Variants in ZNF433 observed in about 807,000 individuals in gnomAD.
ZNF433 encodes the protein zinc finger protein 433.
In ZNF433, 12 loss-of-function variants were observed where a neutral mutation model predicts 10.6. That is an observed-to-expected ratio of 1.13 (90% confidence interval 0.72 to 1.83). ZNF433 has a LOEUF of 1.83. Ranked by LOEUF, ZNF433 falls within the 40% of genes most tolerant of loss-of-function variation. The pLI is 0.00. For missense variants in ZNF433, 737 were observed against 798.0 expected, an observed-to-expected ratio of 0.92 and a Z score of 0.92; for synonymous variants, 272 against 271.3, an observed-to-expected ratio of 1.00 and a Z score of -0.02.
chr19:12,029,172 CATTAAA>C (rs1974881320), intron 1 of ZNF433, among the ~76,000 whole-genome samples: 1 of 151,836 alleles, frequency 6.6e-6, no homozygotes, highest in African/African-American at 2.4e-5. Flanking sequence ...TTTGTTTTTT[CATTAAA>C]ATTAAGAAAA....
Position 12,015,051 on chromosome 19 carries a change from G to T in ZNF433, c.1807C>A (p.Gln603Lys), listed in dbSNP as rs747192991. 6.2e-7 allele frequency: 1 copy of T among 1,614,068 alleles called. No homozygotes were observed. The highest frequency in any genetic ancestry group is 8.5e-7 in the Non-Finnish European group (1 of 1,179,976). Residue 603 changes from glutamine to lysine, a missense_variant, in exon 4 of 4, where the codon CAA (glutamine) becomes AAA (lysine). By Grantham distance (53) the Gln-to-Lys change is moderately conservative. Transcript: ENST00000550507. ...GKSFGCASRL[Q>K]MHGRTHTGEK... The stretch of plus-strand genomic sequence containing the variant: ...CCAGTGTGAGTCCTTCCATGCATTT[G>T]AAGTCGCGAGGCACATCCAAAAGAC...
chr19:12,025,600 C>G (rs918209587), intron 1 of ZNF433: 2 of 152,204 alleles, frequency 1.3e-5, no homozygotes, highest in Non-Finnish European at 1.5e-5. Flanking sequence ...GGAGTTAATC[C>G]TCAAGGATTG....
chr19:12,035,295 C>A (rs1239842022), intron 1 of ZNF433, among the ~76,000 whole-genome samples: 1 of 152,194 alleles, frequency 6.6e-6, no homozygotes, highest in Non-Finnish European at 1.5e-5. Flanking sequence ...CGGAGCTGCC[C>A]AGAGAGGGCT....
At chr19:12,021,184 T>C (rs927282219) in intron 1 of ZNF433, among the ~76,000 whole-genome samples, 1 of 151,950 alleles carries the variant, frequency 6.6e-6, no homozygotes, top group Admixed American at 6.6e-5. Flanking sequence ...GGTTTCACCA[T>C]GTTGGCCAAG....
In ZNF433 at chr19:12,014,761, A is replaced by C; in HGVS notation, c.*84T>G. Reference sequence around the variant, plus strand: ...TTTATTTATTTATTTAATTTTTATAACAGAGTCTCACTATGTTGCCCAGGC... The same window carrying C: ...TTTATTTATTTATTTAATTTTTATACCAGAGTCTCACTATGTTGCCCAGGC... On this transcript the variant is annotated 3_prime_UTR_variant, in exon 4 of 4. Coordinates refer to ENST00000550507, the MANE Select transcript of ZNF433 (RefSeq NM_001308348.2). The C allele has an allele frequency of 3.1e-6, 3 of 976,978 alleles. No individual in the cohort carries two copies. The South Asian group carries it at 6.3e-5, about 20-fold the overall frequency. The allele number at this position is 976,978 out of a possible 1,614,324, so 60.5% of individuals were successfully genotyped here. A position where few individuals can be genotyped will look rare whatever the true frequency, so the allele number is the denominator to read the frequency against.
chr19:12,031,114 G>A (rs529578783), intron 1 of ZNF433, among the ~76,000 whole-genome samples: 2 of 152,072 alleles, frequency 1.3e-5, no homozygotes, highest in African/African-American at 2.4e-5. Flanking sequence ...TGGCCAACAC[G>A]GTGAAACCCC....
intron 1 of ZNF433, chr19:12,030,101 AAAAAAT>A (rs1462459725): frequency 2.1e-5 from 8 of 372,522 alleles, no homozygotes; most frequent in African/African-American, 1.6e-4. Context: ...AAAAAAAAAA[AAAAAAT>A]AGCCATCTGC....
chr19:12,015,406 G>C lies in ZNF433; in HGVS notation c.1452C>G (p.Phe484Leu). ...PYECKGYGKT[F>L]SLPSLFHRHE... ...GTCTATGAAATAAACTGGGCAAACTGAATGTTTTCCCATAACCCTTACATT... is the reference window on the plus strand; with the variant it reads ...GTCTATGAAATAAACTGGGCAAACTCAATGTTTTCCCATAACCCTTACATT... The change falls in exon 4 of 4, where the codon TTC becomes TTG. Residue 484 changes from phenylalanine to leucine, a missense_variant. Transcript: ENST00000550507. 6.2e-7 allele frequency: 1 copy of C among 1,614,020 alleles called. No homozygotes were observed. Among genetic ancestry groups the C allele is most frequent in the Non-Finnish European group, 8.5e-7 (1 of 1,179,950 alleles).
chr19:12,014,816 C>G lies in ZNF433; in HGVS notation c.*29G>C. On this transcript the variant is annotated 3_prime_UTR_variant, in exon 4 of 4. Coordinates refer to ENST00000550507, the MANE Select transcript of ZNF433 (RefSeq NM_001308348.2). Reference sequence around the variant, plus strand: ...CTTGAACTCCTGGGCTTAAGCAGTCCCCCCACCTCAGCCTCCTAAAGCCTG... The same window carrying G: ...CTTGAACTCCTGGGCTTAAGCAGTCGCCCCACCTCAGCCTCCTAAAGCCTG... 1 of 1,491,146 alleles carries G rather than the reference C, an allele frequency of 6.7e-7. No homozygotes were observed. 92.4% of individuals were successfully genotyped at this position (1,491,146 alleles called of 1,614,324 possible). A position where few individuals can be genotyped will look rare whatever the true frequency, so the allele number is the denominator to read the frequency against.
rs774278944 is a variant in ZNF433 at position 12,015,229 on chromosome 19, G to A, written c.1629C>T (p.Ala543=). 1.7e-5 allele frequency: 27 copies of A among 1,613,372 alleles called. No individual in the cohort carries two copies. In the Middle Eastern group the frequency reaches 5.0e-4, roughly 30 times the overall value. Residue 543 remains alanine (A), a synonymous_variant, in exon 4 of 4, where the codon GCC becomes GCT. Coordinates refer to ENST00000550507, the MANE Select transcript of ZNF433 (RefSeq NM_001308348.2). ...CKQCGKAFRS[A]SQLQIHGRTH... is the part of the protein sequence containing the mutation. ...TCCTTCCATGAATTTGAAGCTGTGA[G>A]GCAGATCTGAAGGCTTTTCCACATT...
intron 1 of ZNF433, chr19:12,022,320 A>C (rs759280764): frequency 7.9e-6 from 2 of 254,392 alleles, no homozygotes; most frequent in Non-Finnish European, 1.7e-5. Context: ...TTTAATCTAT[A>C]ATCTACAGAA....
chr19:12,021,045 A>G (rs1859664097), intron 1 of ZNF433, among the ~76,000 whole-genome samples: 1 of 150,772 alleles, frequency 6.6e-6, no homozygotes, highest in South Asian at 2.1e-4. Context: ...CAGTAGCACA[A>G]TCTCAGCTCA....
Position 12,015,676 on chromosome 19 carries a change from G to T in ZNF433, c.1182C>A (p.Asn394Lys). The T allele has an allele frequency of 6.2e-7, 1 of 1,609,360 alleles. No individual in the cohort carries two copies. The highest frequency in any genetic ancestry group is 2.2e-5 in the East Asian group (1 of 44,510). ...THTGEKPYKC[N>K]QCGKAFNSSS... ...AAGAATTAAAGGCTTTACCACATTGGTTGCATTTATAGGGTTTCTCTCCAG... is the reference window on the plus strand; with the variant it reads ...AAGAATTAAAGGCTTTACCACATTGTTTGCATTTATAGGGTTTCTCTCCAG... The change falls in exon 4 of 4, where the codon AAC (asparagine) becomes AAA (lysine). Residue 394 changes from asparagine to lysine, a missense_variant. By Grantham distance (94) the Asn-to-Lys change is moderately conservative (BLOSUM62 0). Transcript: ENST00000550507.
intron 3 of ZNF433, 83 bp downstream of exon 3, chr19:12,017,793 G>A (rs1599352879): frequency 1.1e-6 from 1 of 883,480 alleles, no homozygotes; most frequent in Non-Finnish European, 1.7e-6. Context: ...TATTTCTTTT[G>A]TTTCCTTTTT....
rs1442546918 is a variant in ZNF433 at position 12,016,037 on chromosome 19, G to C, written c.821C>G (p.Thr274Ser). 4 of 1,614,134 alleles carry C rather than the reference G, an allele frequency of 2.5e-6. No individual in the cohort carries two copies. Among genetic ancestry groups the C allele is most frequent in the African/African-American group, 1.3e-5 (1 of 75,046 alleles). The part of the protein sequence containing the change: ...TCLHAHKRTH[T>S]GEKPYECKQC... ...TTTACATTCATATGGCTTCTCCCCA[G>C]TGTGAGTTCTTTTATGAGCATGAAG... is the stretch of plus-strand genomic sequence containing the variant. Residue 274 changes from threonine to serine, a missense_variant, in exon 4 of 4, where the codon ACT (threonine) becomes AGT (serine). By Grantham distance (58) the Thr-to-Ser change is moderately conservative. Transcript: ENST00000550507.
intron 1 of ZNF433, chr19:12,034,701 C>T (rs1975193042): frequency 2.4e-6 from 1 of 419,068 alleles, no homozygotes; most frequent in Non-Finnish European, 4.8e-6. Flanking sequence ...GCAATCCTTC[C>T]TACCGCCTCG....
intron 1 of ZNF433, among the ~76,000 whole-genome samples, chr19:12,027,701 C>T (rs1355244437): frequency 2.6e-5 from 4 of 152,314 alleles, no homozygotes; most frequent in East Asian, 1.9e-4. Flanking sequence ...GCTTTCAGCT[C>T]TGAAGGCCGT....
intron 1 of ZNF433, chr19:12,022,233 G>A (rs1041811110): frequency 2.5e-5 from 8 of 324,948 alleles, no homozygotes; most frequent in East Asian, 1.5e-4. Flanking sequence ...CCTTAAGGAC[G>A]TGTTCCTGCT....
At chr19:12,031,848 T>A (rs925324352) in intron 1 of ZNF433, among the ~76,000 whole-genome samples, 10 of 143,018 alleles carry the variant, frequency 7.0e-5, no homozygotes, top group Non-Finnish European at 1.2e-4. Flanking sequence ...ATCACACCAG[T>A]ACACTCCAGC....
Sources: allele counts gnomAD v4.1 joint callset (sites outside exome capture counted in the v4.1 genomes callset), GRCh38; gene constraint gnomAD v4.1.1; transcripts MANE v1.5; gene names NCBI Gene and HGNC (gene_info 2026-07-23, HGNC 2026-07-21).